CHL1: variants seen among roughly 807,000 people sequenced by gnomAD.
CHL1 encodes cell adhesion molecule L1 like.
A neutral mutation model predicts 141.9 loss-of-function variants in CHL1; 96 were observed. The observed-to-expected ratio is 0.68, with a 90% confidence interval of 0.57 to 0.80. CHL1 has a LOEUF of 0.80. Among genes scored for constraint, CHL1 ranks in the 30% least tolerant of loss-of-function variants. The pLI is 0.00. For missense variants in CHL1, 1,820 were observed against 1,457.2 expected (o/e 1.25, Z -4.05); for synonymous variants, 613 against 502.2 (o/e 1.22, Z -2.95).
chr3:282,461 G>C (rs577934430), intron 2 of CHL1, among the ~76,000 whole-genome samples: 1 of 152,210 alleles, frequency 6.6e-6, no homozygotes, highest in South Asian at 2.1e-4. Context: ...TATAGATTGA[G>C]GTTAACATCT....
intron 9 of CHL1, among the ~76,000 whole-genome samples, chr3:345,920 G>T (rs956905986): frequency 6.6e-6 from 1 of 152,068 alleles, no homozygotes; most frequent in African/African-American, 2.4e-5. Context: ...ATCATACAGG[G>T]TCTCCTATTT....
At chr3:354,398 A>G (rs146657001) in intron 10 of CHL1, among the ~76,000 whole-genome samples, 4 of 149,674 alleles carry the variant, frequency 2.7e-5, no homozygotes, top group African/African-American at 9.8e-5. Context: ...CAGTATGTTG[A>G]TGTATGATAC....
At chr3:216,602 C>A (rs73088644) in intron 1 of CHL1, among the ~76,000 whole-genome samples, 163 of 152,318 alleles carry the variant, frequency 1.1e-3, no homozygotes, top group African/African-American at 3.6e-3. Context: ...CCAAAAGTAT[C>A]TGAACTTCAA....
At chr3:368,994 T>C (rs2125312396) in intron 15 of CHL1, among the ~76,000 whole-genome samples, 1 of 152,350 alleles carries the variant, frequency 6.6e-6, no homozygotes, top group Non-Finnish European at 1.5e-5. Context: ...TTGGTTACTG[T>C]CGCCTTGTAG....
At chr3:385,348 G>C (rs1559342902) in intron 19 of CHL1, among the ~76,000 whole-genome samples, 1 of 152,152 alleles carries the variant, frequency 6.6e-6, no homozygotes, top group East Asian at 1.9e-4. Context: ...ATGTCATAAA[G>C]AGAAACTGGG....
At chr3:201,743 G>C (rs1472399290) in intron 1 of CHL1, among the ~76,000 whole-genome samples, 1 of 152,020 alleles carries the variant, frequency 6.6e-6, no homozygotes, top group Non-Finnish European at 1.5e-5. Flanking sequence ...CTTTGACCAG[G>C]GTTTCTTCTC....
chr3:380,086 A>C (rs1706845685), intron 16 of CHL1, among the ~76,000 whole-genome samples: 1 of 152,204 alleles, frequency 6.6e-6, no homozygotes, highest in Non-Finnish European at 1.5e-5. Context: ...TTTTAATATC[A>C]GATGCAATAC....
At chr3:403,435 C>G (rs776916337) in intron 27 of CHL1, among the ~76,000 whole-genome samples, 1 of 152,018 alleles carries the variant, frequency 6.6e-6, no homozygotes, top group Non-Finnish European at 1.5e-5. Context: ...CCTGCAACAA[C>G]TTTTCAAAAG....
chr3:307,820 C>CT (rs1699379449), intron 2 of CHL1, among the ~76,000 whole-genome samples: 1 of 152,170 alleles, frequency 6.6e-6, no homozygotes, highest in African/African-American at 2.4e-5. Context: ...TGTTTAAGAC[C>CT]TTTTGAATAT....
chr3:287,200 T>A (rs1697233838), intron 2 of CHL1, among the ~76,000 whole-genome samples: 2 of 151,804 alleles, frequency 1.3e-5, no homozygotes, highest in Admixed American at 1.3e-4. Flanking sequence ...TATAAAAATT[T>A]AAAATGTCAT....
chr3:251,996 G>A (rs949073268), intron 2 of CHL1, among the ~76,000 whole-genome samples: 3 of 151,766 alleles, frequency 2.0e-5, no homozygotes, highest in Non-Finnish European at 4.4e-5. Flanking sequence ...CGAAATCCAA[G>A]GACTGCAAAA....
intron 7 of CHL1, among the ~76,000 whole-genome samples, 173 bp downstream of exon 7, chr3:342,255 GCT>G (rs1559282848): frequency 6.6e-6 from 1 of 152,190 alleles, no homozygotes; most frequent in Non-Finnish European, 1.5e-5. Context: ...ATTCACGGTA[GCT>G]CTGTCTCTCA....
chr3:400,900 C>CATTT (rs377701575), intron 26 of CHL1, among the ~76,000 whole-genome samples: 1 of 112,460 alleles, frequency 8.9e-6, no homozygotes, highest in Non-Finnish European at 1.7e-5. Flanking sequence ...AAATGACTGC[C>CATTT]TTTTTTTTTT....
At chr3:355,571 C>T (rs1039334494) in intron 11 of CHL1, among the ~76,000 whole-genome samples, 1 of 152,138 alleles carries the variant, frequency 6.6e-6, no homozygotes, top group Non-Finnish European at 1.5e-5. Context: ...AGAGCAGGTA[C>T]GATAGTGGCT....
chr3:328,408 T>A (rs550845658), intron 5 of CHL1, 54 bp downstream of exon 5: 3 of 1,415,358 alleles, frequency 2.1e-6, no homozygotes, highest in East Asian at 2.4e-5. Flanking sequence ...AAGTGTTAAA[T>A]AGGAGTTAGA....
intron 5 of CHL1, among the ~76,000 whole-genome samples, chr3:337,515 T>G (rs571167819): frequency 1.5e-5 from 2 of 135,262 alleles, no homozygotes; most frequent in East Asian, 2.3e-4. Context: ...ATCCCTCCCC[T>G]CTCCCCCCAC....
intron 1 of CHL1, among the ~76,000 whole-genome samples, chr3:216,060 G>A (rs901470504): frequency 3.3e-5 from 5 of 152,122 alleles, no homozygotes; most frequent in African/African-American, 9.7e-5. Flanking sequence ...TTAAATATAA[G>A]AAAATGTGAT....
At chr3:239,994 T>C (rs1692399150) in intron 1 of CHL1, among the ~76,000 whole-genome samples, 1 of 152,218 alleles carries the variant, frequency 6.6e-6, no homozygotes, top group Admixed American at 6.5e-5. Context: ...CACTTGTTGA[T>C]TGATGGACAT....
At chr3:217,925 A>G (rs1700466939) in intron 1 of CHL1, among the ~76,000 whole-genome samples, 1 of 152,188 alleles carries the variant, frequency 6.6e-6, no homozygotes. Context: ...CAAGGGAGAT[A>G]AGAACAGCTT....
Sources: gnomAD v4.1 joint callset for allele counts (sites outside exome capture counted in the v4.1 genomes callset) on GRCh38, gnomAD v4.1.1 for gene constraint, MANE v1.5 for transcripts, NCBI Gene and HGNC (gene_info 2026-07-23, HGNC 2026-07-21) for gene names.